Variants in MMP16 observed in about 807,000 individuals in gnomAD.
MMP16 encodes the protein matrix metalloproteinase-16.
A neutral mutation model predicts 67.8 loss-of-function variants in MMP16; 12 were observed. That is an observed-to-expected ratio of 0.18 (90% CI 0.11 to 0.29). The LOEUF (loss-of-function observed/expected upper bound fraction) is 0.29, where lower values mean the gene tolerates loss of function less well. Among genes scored for constraint, MMP16 ranks in the 10% least tolerant of loss-of-function variants. The pLI is 1.00. For missense variants in MMP16, 475 were observed against 765.7 expected, an observed-to-expected ratio of 0.62 and a Z score of 4.48; for synonymous variants, 249 against 255.9, an observed-to-expected ratio of 0.97 and a Z score of 0.26.
chr8:88,107,107 C>T (rs1263384384), intron 6 of MMP16, among the ~76,000 whole-genome samples: 2 of 151,076 alleles, frequency 1.3e-5, no homozygotes, highest in African/African-American at 4.8e-5. Flanking sequence ...TTCCCTGACT[C>T]TATTCTGTTC....
At chr8:88,052,006 G>T (rs1808277160) in intron 8 of MMP16, among the ~76,000 whole-genome samples, 1 of 152,106 alleles carries the variant, frequency 6.6e-6, no homozygotes, top group Non-Finnish European at 1.5e-5. Flanking sequence ...TGAATTTACA[G>T]ATTTATTTAA....
chr8:88,186,576 C>T lies in MMP16; in HGVS notation c.304G>A (p.Gly102Ser), dbSNP rs780162250. ...TIDWMKKPRCGVPDQTRGSSK... is the reference protein window; with the variant it reads ...TIDWMKKPRCSVPDQTRGSSK... ...CTACCTCTTGTCTGGTCAGGTACAC[C>T]GCATCGGGGCTTCTTCATCCAGCTG... Residue 102 changes from glycine to serine, a missense_variant, in exon 3 of 10, where the codon GGT becomes AGT. Gly to Ser is a moderately conservative substitution (Grantham distance 56). This residue lies in a region of MMP16 where 170 missense variants were observed against 239.6 expected (regional missense o/e 0.71). Coordinates refer to ENST00000286614, the MANE Select transcript of MMP16 (RefSeq NM_005941.5). The T allele has an allele frequency of 1.4e-5, 22 of 1,573,444 alleles. No homozygotes were observed. The highest frequency in any genetic ancestry group is 9.1e-5 in the East Asian group (4 of 44,104).
chr8:88,298,350 C>A (rs911088380), intron 1 of MMP16, among the ~76,000 whole-genome samples: 5 of 152,038 alleles, frequency 3.3e-5, no homozygotes, highest in Non-Finnish European at 7.4e-5. Flanking sequence ...CTTGTAATTG[C>A]CAAATTTACG....
chr8:88,146,837 A>T (rs1473038160), intron 4 of MMP16, among the ~76,000 whole-genome samples: 1 of 151,902 alleles, frequency 6.6e-6, no homozygotes, highest in Non-Finnish European at 1.5e-5. Context: ...GTTCAATTTT[A>T]TTAGGTTTTT....
In MMP16 at chr8:88,056,564, G is replaced by A. The variant is rs556014902; in HGVS notation, c.1223-286C>T. On this transcript the variant is annotated intron_variant, in intron 7 of 9. Transcript: ENST00000286614. ...AAAAATAAAATAGATCTATAACTTTGCCATAAAGAAACAATTCTGAGTCAA... is the reference window on the plus strand; with the variant it reads ...AAAAATAAAATAGATCTATAACTTTACCATAAAGAAACAATTCTGAGTCAA... Among the ~76,000 whole-genome samples, 20 of 152,006 alleles carry A rather than the reference G, an allele frequency of 1.3e-4. No individual in the cohort carries two copies. The East Asian group carries it at 3.7e-3, about 28-fold the overall frequency.
intron 1 of MMP16, among the ~76,000 whole-genome samples, chr8:88,223,394 G>A (rs570986193): frequency 3.9e-5 from 6 of 152,066 alleles, no homozygotes; most frequent in South Asian, 2.1e-4. Flanking sequence ...ACATGCACAC[G>A]TATGTTTATT....
intron 1 of MMP16, among the ~76,000 whole-genome samples, chr8:88,260,891 C>T (rs1375525378): frequency 1.3e-5 from 2 of 152,190 alleles, no homozygotes; most frequent in East Asian, 3.9e-4. Flanking sequence ...TAAATTGTTT[C>T]CATTGGATAA....
At position 88,239,490 on chromosome 8, in the gene MMP16, T is replaced by C. The variant is rs559852677; in HGVS notation, c.133-42184A>G. On this transcript the variant is annotated intron_variant, in intron 1 of 9. Coordinates refer to ENST00000286614, the MANE Select transcript of MMP16 (RefSeq NM_005941.5). ...AAAAATGCAAACCATTATCTTGGCATCTACCGTAAGTTCTCTGGAAATAGC... is the reference window on the plus strand; with the variant it reads ...AAAAATGCAAACCATTATCTTGGCACCTACCGTAAGTTCTCTGGAAATAGC... Among the ~76,000 whole-genome samples the C allele has an allele frequency of 1.7e-3, 253 of 151,762 alleles. 1 individual carries two copies. In the Middle Eastern group the frequency reaches 0.017, roughly 10 times the overall value.
chr8:88,297,452 G>T (rs1036138790), intron 1 of MMP16, among the ~76,000 whole-genome samples: 1 of 152,170 alleles, frequency 6.6e-6, no homozygotes, highest in Non-Finnish European at 1.5e-5. Flanking sequence ...TAACCATAGA[G>T]ATGGCCTCTC....
At chr8:88,276,034 A>C (rs1321528300) in intron 1 of MMP16, among the ~76,000 whole-genome samples, 1 of 152,060 alleles carries the variant, frequency 6.6e-6, no homozygotes, top group African/African-American at 2.4e-5. Flanking sequence ...CTATTTTTGA[A>C]ATCCAGTGTA....
chr8:88,148,022 T>C (rs1808324187), intron 4 of MMP16, among the ~76,000 whole-genome samples: 1 of 152,188 alleles, frequency 6.6e-6, no homozygotes. Flanking sequence ...TTACTCTCTA[T>C]ACTGCAAATT....
At chr8:88,274,118 C>T (rs1161715346) in intron 1 of MMP16, among the ~76,000 whole-genome samples, 1 of 152,012 alleles carries the variant, frequency 6.6e-6, no homozygotes, top group Non-Finnish European at 1.5e-5. Context: ...GACTATTCAG[C>T]AGAGTTGAGT....
intron 1 of MMP16, among the ~76,000 whole-genome samples, chr8:88,264,082 T>A: frequency 6.6e-6 from 1 of 151,258 alleles, no homozygotes; most frequent in East Asian, 1.9e-4. Flanking sequence ...TGTGTGTGTG[T>A]GTGTGTGTGT....
chr8:88,311,244 G>A (rs764335172), intron 1 of MMP16, among the ~76,000 whole-genome samples: 9 of 152,236 alleles, frequency 5.9e-5, no homozygotes, highest in Non-Finnish European at 1.2e-4. Context: ...CTCTACGGTG[G>A]ATTTTGATAT....
intron 2 of MMP16, among the ~76,000 whole-genome samples, chr8:88,189,443 A>T (rs972029037): frequency 1.3e-5 from 2 of 151,682 alleles, no homozygotes; most frequent in African/African-American, 4.8e-5. Flanking sequence ...ACCCTCCACT[A>T]CTCTTTCCTC....
rs28904587 is a variant in MMP16 at position 88,258,244 on chromosome 8, T to C, written c.133-60938A>G. Among the ~76,000 whole-genome samples the C allele has an allele frequency of 3.9e-3, 596 of 152,272 alleles. 4 individuals are homozygous for C. The highest frequency in any genetic ancestry group is 0.013 in the African/African-American group (556 of 41,562). ...GCCTGTGCTAACACCTCTGCTGTGT[T>C]AATAAAATTTCCTTTTCTTGCCAGC... On this transcript the variant is annotated intron_variant, in intron 1 of 9. Transcript: ENST00000286614.
intron 6 of MMP16, among the ~76,000 whole-genome samples, chr8:88,112,122 A>T (rs1809347259): frequency 6.6e-6 from 1 of 151,456 alleles, no homozygotes; most frequent in Admixed American, 6.6e-5. Context: ...TTCTAGTTCT[A>T]GTGTAAAGTA....
rs1003657586 is a variant in MMP16 at position 88,041,890 on chromosome 8, T to C, written c.1490-95A>G. 112 of 949,286 alleles carry C rather than the reference T, an allele frequency of 1.2e-4. 1 individual carries two copies. The highest frequency in any genetic ancestry group is 2.3e-5 in the Non-Finnish European group (15 of 641,658). The allele number at this position is 949,286 out of a possible 1,614,324, so 58.8% of individuals were successfully genotyped here. A position where few individuals can be genotyped will look rare whatever the true frequency, so the allele number is the denominator to read the frequency against. ...CTAAAATAGGCTATGTCTTAAGAGA[T>C]GTATTTTAAGGCCCTTTAATTTTCA... On this transcript the variant is annotated intron_variant, in intron 9 of 9. Transcript: ENST00000286614. This position sits in a 1 kb window ranked among gnomAD's most constrained non-coding sequence, Gnocchi z 6.0.
At chr8:88,149,608 C>T (rs1302631874) in intron 4 of MMP16, among the ~76,000 whole-genome samples, 153 of 151,860 alleles carry the variant, frequency 1.0e-3, no homozygotes, top group Non-Finnish European at 8.1e-4. Flanking sequence ...CACACTGACA[C>T]CTCACACGGC....
Sources: gnomAD v4.1 joint callset for allele counts (sites outside exome capture counted in the v4.1 genomes callset) on GRCh38, gnomAD v4.1.1 for gene constraint, gnomAD v4.1.1 regional missense constraint, Gnocchi (gnomAD v3.1) non-coding constraint, MANE v1.5 for transcripts, NCBI Gene and HGNC (gene_info 2026-07-23, HGNC 2026-07-21) for gene names.